The following MYBBP1A variants were observed in gnomAD, a reference collection of about 807,000 sequenced individuals.
MYBBP1A encodes myb-binding protein 1A.
MYBBP1A carries 147 observed loss-of-function variants against 136.3 expected under a neutral mutation model. The observed-to-expected ratio is 1.08, with a 90% CI of 0.94 to 1.24. The LOEUF is 1.24. MYBBP1A is among the 50% of genes most tolerant of loss of function. The pLI is 0.00. For synonymous variants in MYBBP1A, 947 were observed against 735.8 expected (o/e 1.29, Z -4.65); for missense variants, 2,060 against 1,727.4 (o/e 1.19, Z -3.41).
chr17:4,541,027 C>T (rs1040554481), intron 24 of MYBBP1A, among the ~76,000 whole-genome samples: 1 of 151,890 alleles, frequency 6.6e-6, no homozygotes, highest in East Asian at 2.0e-4. Flanking sequence ...CAAACCCCGC[C>T]CTCTGGGCCA....
In MYBBP1A at chr17:4,548,010, C is replaced by G. The variant is rs768092105; in HGVS notation, c.1772G>C (p.Arg591Thr). The G allele has an allele frequency of 1.9e-6, 3 of 1,545,228 alleles. No homozygotes were observed. Among genetic ancestry groups the G allele is most frequent in the Non-Finnish European group, 1.7e-6 (2 of 1,144,288 alleles). ...CAGAAGGTGCTGGAAGGCAGCAGCCCTGGCCTCTGCGGAGTGGGCCTCCAG... is the reference window on the plus strand; with the variant it reads ...CAGAAGGTGCTGGAAGGCAGCAGCCGTGGCCTCTGCGGAGTGGGCCTCCAG... ...KELEAHSAEA[R>T]AAAFQHLLLL... The change falls in exon 13 of 26, where the codon AGG (arginine) becomes ACG (threonine). Residue 591 changes from arginine (R) to threonine (T), a missense_variant. Physicochemically the swap from Arg to Thr is moderately conservative, Grantham distance 71 (BLOSUM62 -1). Transcript: ENST00000254718. The surrounding 1 kb of genome is among the most constrained non-coding windows in gnomAD (Gnocchi z 4.2).
chr17:4,542,395 T>C lies in MYBBP1A; in HGVS notation c.3087+69A>G, dbSNP rs115213904. 2,425 of 1,501,324 alleles carry C rather than the reference T, an allele frequency of 1.6e-3. 35 individuals are homozygous for C. The African/African-American group carries it at 0.031, about 19-fold the overall frequency. The allele number at this position is 1,501,324 out of a possible 1,614,324, so 93.0% of individuals were successfully genotyped here. ...GACAGCGCTCTGGGGCCTCACAATA[T>C]CCAGTCAGAAGAGGGTTAAGCGGGT... On this transcript the variant is annotated intron_variant, in intron 22 of 25. Transcript: ENST00000254718.
chr17:4,552,179 A>G lies in MYBBP1A; in HGVS notation c.851T>C (p.Phe284Ser). The G allele has an allele frequency of 6.2e-7, 1 of 1,614,240 alleles. No individual in the cohort carries two copies. The highest frequency in any genetic ancestry group is 8.5e-7 in the Non-Finnish European group (1 of 1,180,048). Residue 284 changes from phenylalanine (F) to serine (S), a missense_variant, in exon 7 of 26, where the codon TTC becomes TCC. By Grantham distance (155) the Phe-to-Ser change is radical. Coordinates refer to ENST00000254718, the MANE Select transcript of MYBBP1A (RefSeq NM_014520.4). The surrounding 1 kb of genome is among the most constrained non-coding windows in gnomAD (Gnocchi z 4.7). ...CCCTTGTTCCACCACCTCCTTCCAG[A>G]ACCGTGGGAACTTGTCTTCCTTGAG... ...LALKEDKFPR[F>S]WKEVVEQGLL...
intron 15 of MYBBP1A, 116 bp from the exon 16 acceptor site, chr17:4,545,461 C>CGGCCA (rs998692415): frequency 4.0e-6 from 6 of 1,506,656 alleles, no homozygotes; most frequent in Middle Eastern, 1.8e-4. Flanking sequence ...CTAGGAGAGG[C>CGGCCA]GGCCAGGCCA....
chr17:4,540,286 G>A, intron 25 of MYBBP1A, 62 bp downstream of exon 25: 2 of 1,535,294 alleles, frequency 1.3e-6, no homozygotes, highest in Non-Finnish European at 1.8e-6. Context: ...GTGTGTGTGT[G>A]CAGCAGCGTG....
chr17:4,541,545 TC>T lies in MYBBP1A; in HGVS notation c.3214del (p.Glu1072ArgfsTer30). On this transcript the variant is annotated frameshift_variant, in exon 24 of 26. Transcript: ENST00000254718. LOFTEE classifies it high-confidence loss of function. ...CTGATGCTGCGCCTTGGTCTGCGCC[TC>T]CCCCAGCACGCGCAAGTTCTAGGGA... ...KVTENLRVLG[E>X]AQTKAQHQQA... is the part of the protein sequence containing the mutation. 3 of 1,612,758 alleles carry T rather than the reference TC, an allele frequency of 1.9e-6. No individual in the cohort carries two copies. The highest frequency in any genetic ancestry group is 8.5e-7 in the Non-Finnish European group (1 of 1,179,998).
At position 4,553,851 on chromosome 17, in the gene MYBBP1A, G is replaced by C. The variant is rs748566228; in HGVS notation, c.520C>G (p.Gln174Glu). Residue 174 changes from glutamine (Q) to glutamate (E), a missense_variant, in exon 5 of 26, where the codon CAG becomes GAG. Physicochemically the swap from Gln to Glu is conservative, Grantham distance 29. Transcript: ENST00000254718. ...QALAQYQNHL[Q>E]EQPRKALVDI... Reference sequence around the variant, plus strand: ...ACCAGGGCCTTCCGGGGCTGCTCCTGCAAGTGGTTTTGGTACTGGGCCAGG... The same window carrying C: ...ACCAGGGCCTTCCGGGGCTGCTCCTCCAAGTGGTTTTGGTACTGGGCCAGG... 3 of 1,614,066 alleles carry C rather than the reference G, an allele frequency of 1.9e-6. No homozygotes were observed. The highest frequency in any genetic ancestry group is 1.7e-4 in the Middle Eastern group (1 of 6,060).
intron 25 of MYBBP1A, 119 bp from the exon 26 acceptor site, chr17:4,540,086 C>A: frequency 7.8e-7 from 1 of 1,290,074 alleles, no homozygotes; most frequent in Non-Finnish European, 1.1e-6. Flanking sequence ...TCTGTGAGGC[C>A]CCTATGAGGG....
intron 8 of MYBBP1A, 51 bp downstream of exon 8, chr17:4,551,829 G>C (rs1907530692): frequency 1.3e-6 from 2 of 1,537,090 alleles, no homozygotes; most frequent in African/African-American, 1.4e-5. Flanking sequence ...GGCAGGGAGA[G>C]CTCCACGTCT....
chr17:4,539,968 C>T lies in MYBBP1A; in HGVS notation c.3435-1G>A. On this transcript the variant is annotated splice_acceptor_variant, in intron 25 of 25. Coordinates refer to ENST00000254718, the MANE Select transcript of MYBBP1A (RefSeq NM_014520.4). LOFTEE classifies it high-confidence loss of function. ...ATCCTTCTTCTCCAACTTGGGGCGC[C>T]TGAAGGGAAGTGAGCAAGGTTAGAA... 6.3e-7 allele frequency: 1 copy of T among 1,597,800 alleles called. No individual in the cohort carries two copies. Among genetic ancestry groups the T allele is most frequent in the Non-Finnish European group, 8.5e-7 (1 of 1,179,078 alleles).
At position 4,548,728 on chromosome 17, in the gene MYBBP1A, G is replaced by C; in HGVS notation, c.1431-79C>G. 6.3e-7 allele frequency: 1 copy of C among 1,580,198 alleles called. No individual in the cohort carries two copies. ...GCTCCCCTCCTTGGATGGTACCACC[G>C]AGGGTACAAGGCCAGGAGGAGGAGG... On this transcript the variant is annotated intron_variant, in intron 10 of 25. Transcript: ENST00000254718. The surrounding 1 kb of genome is among the most constrained non-coding windows in gnomAD (Gnocchi z 4.2).
chr17:4,539,129 C>A lies in MYBBP1A; in HGVS notation c.*286G>T, dbSNP rs1597374533. The A allele has an allele frequency of 1.1e-5, 17 of 1,493,356 alleles. No homozygotes were observed. Among genetic ancestry groups the A allele is most frequent in the Middle Eastern group, 2.0e-4 (1 of 5,090 alleles). The allele number at this position is 1,493,356 out of a possible 1,614,324, so 92.5% of individuals were successfully genotyped here. On this transcript the variant is annotated 3_prime_UTR_variant, in exon 26 of 26. Coordinates refer to ENST00000254718, the MANE Select transcript of MYBBP1A (RefSeq NM_014520.4). Reference sequence around the variant, plus strand: ...CACCTGCCTGCAGCCAGCACATCAACCTGCACCAACCCAGGCAAACACCAG... The same window carrying A: ...CACCTGCCTGCAGCCAGCACATCAAACTGCACCAACCCAGGCAAACACCAG...
Position 4,540,248 on chromosome 17 carries a change from TGCGTGTGCAGCA to T in MYBBP1A, c.3434+88_3434+99del, listed in dbSNP as rs1567602282. On this transcript the variant is annotated intron_variant, in intron 25 of 25. Transcript: ENST00000254718. ...TGTGCAGCAGCATGCGTGTGCAGTG[TGCGTGTGCAGCA>T]GCGTGTGTGCAGCGTGTGTGTGTGT... is the stretch of plus-strand genomic sequence containing the variant. 25 of 1,424,812 alleles carry T rather than the reference TGCGTGTGCAGCA, an allele frequency of 1.8e-5. No homozygotes were observed. In the African/African-American group the frequency reaches 2.1e-4, roughly 12 times the overall value. 88.3% of individuals were successfully genotyped at this position (1,424,812 alleles called of 1,614,324 possible).
rs1344840072 is a variant in MYBBP1A, at chr17:4,553,797, G to C, written c.561+13C>G. ...AAGTGTTGCCTGGGCCCGCACAGCTGGGGAGCTCATACCTCGGAGAGGATG... is the reference window on the plus strand; with the variant it reads ...AAGTGTTGCCTGGGCCCGCACAGCTCGGGAGCTCATACCTCGGAGAGGATG... On this transcript the variant is annotated intron_variant, in intron 5 of 25. Coordinates refer to ENST00000254718, the MANE Select transcript of MYBBP1A (RefSeq NM_014520.4). The C allele has an allele frequency of 6.2e-7, 1 of 1,610,072 alleles. No homozygotes were observed. The highest frequency in any genetic ancestry group is 8.5e-7 in the Non-Finnish European group (1 of 1,176,656).
In MYBBP1A at chr17:4,554,903, C is replaced by T. The variant is rs754776529; in HGVS notation, c.252G>A (p.Gly84=). The T allele has an allele frequency of 1.3e-4, 215 of 1,613,464 alleles. No individual in the cohort carries two copies. The highest frequency in any genetic ancestry group is 1.7e-4 in the Non-Finnish European group (204 of 1,180,034). The part of the protein sequence containing the change: ...LKRLITGLGV[G]RETARPCYSL... The stretch of plus-strand genomic sequence containing the variant: ...TGTAGCAGGGCCGGGCTGTTTCTCG[C>T]CCGACCCCGAGTCCCGTGATTAGAC... The change falls in exon 2 of 26, where the codon GGG becomes GGA. Residue 84 remains glycine (G), a synonymous_variant. Coordinates refer to ENST00000254718, the MANE Select transcript of MYBBP1A (RefSeq NM_014520.4).
At position 4,551,911 on chromosome 17, in the gene MYBBP1A, C is replaced by G. The variant is rs143727955; in HGVS notation, c.992G>C (p.Arg331Pro). Residue 331 changes from arginine to proline, a missense_variant, in exon 8 of 26, where the codon CGC becomes CCC. Coordinates refer to ENST00000254718, the MANE Select transcript of MYBBP1A (RefSeq NM_014520.4). ...AGTGCACACGTGCTCCCCGTAATGG[C>G]GGATCACGTCTCCCTGCATCACCAG... ...LHLVMQGDVI[R>P]HYGEHVCTAK... is the part of the protein sequence containing the mutation. 68 of 1,613,392 alleles carry G rather than the reference C, an allele frequency of 4.2e-5. No individual in the cohort carries two copies. Among genetic ancestry groups the G allele is most frequent in the Admixed American group, 3.3e-5 (2 of 60,022 alleles).
In MYBBP1A at chr17:4,543,115, G is replaced by A. The variant is rs761919915; in HGVS notation, c.2690C>T (p.Ala897Val). Residue 897 changes from alanine to valine, a missense_variant, in exon 20 of 26, where the codon GCA (alanine) becomes GTA (valine). Physicochemically the swap from Ala to Val is moderately conservative, Grantham distance 64. Coordinates refer to ENST00000254718, the MANE Select transcript of MYBBP1A (RefSeq NM_014520.4). ...CTCCACCTGGGCGTGCAGGGCCCCT[G>A]CGCGCTCACCCAAGTCGTGGCAGTA... Reference protein sequence around the residue: ...RRYCHDLGERAGALHAQVERL... With the variant: ...RRYCHDLGERVGALHAQVERL... 6.2e-7 allele frequency: 1 copy of A among 1,612,156 alleles called. No individual in the cohort carries two copies. The highest frequency in any genetic ancestry group is 2.2e-5 in the East Asian group (1 of 44,850).
chr17:4,552,631 G>A lies in MYBBP1A; in HGVS notation c.562-5C>T, dbSNP rs73337538. 17,156 of 1,610,082 alleles carry A rather than the reference G, an allele frequency of 0.011. 1,608 individuals are homozygous for A. In the African/African-American group the frequency reaches 0.2, roughly 19 times the overall value. On this transcript the variant is annotated splice_region_variant and splice_polypyrimidine_tract_variant and intron_variant, in intron 5 of 25. Transcript: ENST00000254718. This position sits in a 1 kb window ranked among gnomAD's most constrained non-coding sequence, Gnocchi z 4.7. ...CTGCAATGTGGCCTTCGAGACCTAA[G>A]GATGGAGGGAGAAGAAATCGTGACT... is the stretch of plus-strand genomic sequence containing the variant.
rs1158392418 is a variant in MYBBP1A, at chr17:4,543,027, G to C, written c.2778C>G (p.Ala926=). The part of the protein sequence containing the change: ...DSPTALYHFN[A]SLYLLRVLKG... ...TCAAGACCCGGAGCAGGTAGAGAGAGGCGTTGAAGTGGTAGAGGGCGGTGG... is the reference window on the plus strand; with the variant it reads ...TCAAGACCCGGAGCAGGTAGAGAGACGCGTTGAAGTGGTAGAGGGCGGTGG... Residue 926 remains alanine, a synonymous_variant, in exon 20 of 26, where the codon GCC becomes GCG. Coordinates refer to ENST00000254718, the MANE Select transcript of MYBBP1A (RefSeq NM_014520.4). 6 of 1,613,760 alleles carry C rather than the reference G, an allele frequency of 3.7e-6. No individual in the cohort carries two copies. Among genetic ancestry groups the C allele is most frequent in the South Asian group, 1.1e-5 (1 of 91,096 alleles).
Sources: allele counts gnomAD v4.1 joint callset (sites outside exome capture counted in the v4.1 genomes callset), GRCh38; gene constraint gnomAD v4.1.1; non-coding constraint Gnocchi (gnomAD v3.1); transcripts MANE v1.5; gene names NCBI Gene and HGNC (gene_info 2026-07-23, HGNC 2026-07-21).